The following AUH variants were observed in gnomAD, a reference collection of about 807,000 sequenced individuals.
AUH encodes methylglutaconyl-CoA hydratase, mitochondrial.
In AUH, 29 loss-of-function variants were observed where a neutral mutation model predicts 42.3. That is an observed-to-expected ratio of 0.69 (90% CI 0.51 to 0.93). The LOEUF is 0.93. AUH is among the 40% of genes least tolerant of loss of function. AUH has a pLI of 0.00. For synonymous variants in AUH, 174 were observed against 166.4 expected, an observed-to-expected ratio of 1.05 and a Z score of -0.35; for missense variants, 452 against 438.1, an observed-to-expected ratio of 1.03 and a Z score of -0.28.
intron 1 of AUH, among the ~76,000 whole-genome samples, chr9:91,357,971 T>G (rs1388549616): frequency 1.3e-5 from 2 of 152,134 alleles, no homozygotes; most frequent in African/African-American, 4.8e-5. Context: ...GGCGGGGGAA[T>G]AGTTTCTATA....
At chr9:91,223,677 T>A (rs754984797) in intron 6 of AUH, among the ~76,000 whole-genome samples, 1 of 152,332 alleles carries the variant, frequency 6.6e-6, no homozygotes, top group South Asian at 2.1e-4. Context: ...CCATTTTACA[T>A]TCCTACCAAC....
intron 6 of AUH, among the ~76,000 whole-genome samples, chr9:91,281,103 C>T (rs1026398296): frequency 6.6e-5 from 10 of 152,126 alleles, no homozygotes; most frequent in Admixed American, 1.3e-4. Flanking sequence ...TTTTTTCCCC[C>T]CTGAAATACA....
intron 6 of AUH, among the ~76,000 whole-genome samples, chr9:91,221,654 T>G (rs140524613): frequency 7.9e-5 from 12 of 152,334 alleles, no homozygotes; most frequent in African/African-American, 2.9e-4. Flanking sequence ...GCCATGCATT[T>G]GGTTTTGACG....
intron 1 of AUH, among the ~76,000 whole-genome samples, chr9:91,357,963 C>T (rs1011500916): frequency 2.6e-5 from 4 of 151,986 alleles, no homozygotes; most frequent in South Asian, 2.1e-4. Context: ...ATAAAACTGG[C>T]GGGGGAATAG....
chr9:91,262,819 G>A (rs541289150), intron 6 of AUH, among the ~76,000 whole-genome samples: 2 of 152,274 alleles, frequency 1.3e-5, no homozygotes, highest in South Asian at 2.1e-4. Flanking sequence ...CCTGTTTTGT[G>A]AATAAGTTGT....
rs191076388 is a variant in AUH, at chr9:91,345,630, G to A, written c.418+10253C>T. Among the ~76,000 whole-genome samples the A allele has an allele frequency of 2.5e-3, 386 of 151,824 alleles. 2 individuals are homozygous for A. The highest frequency in any genetic ancestry group is 8.3e-3 in the African/African-American group (345 of 41,404). ...AGGTGGATCACGAGATCAGGAGATC[G>A]AGACCATCCTGGCTAATACGGTGAA... On this transcript the variant is annotated intron_variant, in intron 3 of 9. Transcript: ENST00000375731.
intron 4 of AUH, among the ~76,000 whole-genome samples, chr9:91,317,569 G>A (rs1222899524): frequency 6.6e-6 from 1 of 151,996 alleles, no homozygotes; most frequent in Admixed American, 6.6e-5. Context: ...GTTTCTTTTA[G>A]CTTTTTGATG....
chr9:91,343,495 A>C (rs748338728), intron 3 of AUH, among the ~76,000 whole-genome samples: 4 of 152,256 alleles, frequency 2.6e-5, no homozygotes, highest in Non-Finnish European at 4.4e-5. Flanking sequence ...GGCCAGGCAC[A>C]GTGGCTCACA....
At chr9:91,282,683 C>A (rs1384989142) in intron 6 of AUH, among the ~76,000 whole-genome samples, 1 of 152,108 alleles carries the variant, frequency 6.6e-6, no homozygotes, top group African/African-American at 2.4e-5. Flanking sequence ...ACTATAAACA[C>A]CTCTATGCAA....
chr9:91,269,848 A>G (rs1176201066), intron 6 of AUH, among the ~76,000 whole-genome samples: 3 of 152,156 alleles, frequency 2.0e-5, no homozygotes, highest in Non-Finnish European at 4.4e-5. Context: ...ATTCCACAAA[A>G]CAAAAAAACA....
intron 6 of AUH, among the ~76,000 whole-genome samples, chr9:91,294,971 T>C (rs1211318079): frequency 2.0e-5 from 3 of 152,076 alleles, no homozygotes; most frequent in African/African-American, 7.2e-5. Flanking sequence ...GTAGCTCCCA[T>C]AATTCCCACA....
chr9:91,233,089 A>G (rs1276972898), intron 6 of AUH, among the ~76,000 whole-genome samples: 1 of 152,230 alleles, frequency 6.6e-6, no homozygotes, highest in East Asian at 1.9e-4. Context: ...AACAAAACAA[A>G]GCCCCTGGCC....
chr9:91,302,864 T>C (rs940318391), intron 4 of AUH, among the ~76,000 whole-genome samples: 6 of 152,298 alleles, frequency 3.9e-5, no homozygotes, highest in African/African-American at 1.2e-4. Flanking sequence ...TCTAAAGGAA[T>C]AGCAAAATGA....
chr9:91,265,930 T>C (rs1478528596), intron 6 of AUH, among the ~76,000 whole-genome samples: 1 of 152,232 alleles, frequency 6.6e-6, no homozygotes, highest in African/African-American at 2.4e-5. Flanking sequence ...GTATTCATGT[T>C]TGTAATTATA....
intron 3 of AUH, among the ~76,000 whole-genome samples, chr9:91,336,417 G>A (rs1240113118): frequency 6.6e-6 from 1 of 152,090 alleles, no homozygotes; most frequent in Non-Finnish European, 1.5e-5. Flanking sequence ...ATCACTTGAG[G>A]CCACGAGTTT....
At chr9:91,361,044 C>G (rs2132120590) in intron 1 of AUH, among the ~76,000 whole-genome samples, 1 of 152,292 alleles carries the variant, frequency 6.6e-6, no homozygotes, top group East Asian at 1.9e-4. Context: ...AGGGCAAGAT[C>G]CATACCATCC....
intron 4 of AUH, among the ~76,000 whole-genome samples, chr9:91,322,039 T>A (rs1033029626): frequency 6.6e-6 from 1 of 152,214 alleles, no homozygotes; most frequent in African/African-American, 2.4e-5. Flanking sequence ...TTTCCATATG[T>A]CCTTCAAAAT....
At chr9:91,360,702 G>T (rs574352560) in intron 1 of AUH, among the ~76,000 whole-genome samples, 1 of 152,124 alleles carries the variant, frequency 6.6e-6, no homozygotes. Context: ...CTCTTACCAT[G>T]CCTTGAAAGT....
intron 3 of AUH, among the ~76,000 whole-genome samples, chr9:91,353,694 C>T (rs1200282914): frequency 2.0e-5 from 3 of 151,368 alleles, no homozygotes; most frequent in African/African-American, 4.9e-5. Flanking sequence ...AAAAATTAGC[C>T]GGGCTTGGTG....
Sources: gnomAD v4.1 joint callset for allele counts (sites outside exome capture counted in the v4.1 genomes callset) on GRCh38, gnomAD v4.1.1 for gene constraint, MANE v1.5 for transcripts, NCBI Gene and HGNC (gene_info 2026-07-23, HGNC 2026-07-21) for gene names.